Variants in VIPR1 observed in about 807,000 individuals in gnomAD.
VIPR1 encodes vasoactive intestinal polypeptide receptor 1.
A neutral mutation model predicts 58.8 loss-of-function variants in VIPR1; 59 were observed. That is an observed-to-expected ratio of 1.00 (90% CI 0.81 to 1.25). The LOEUF (loss-of-function observed/expected upper bound fraction) is 1.25. Ranked by LOEUF, VIPR1 falls within the 50% of genes most tolerant of loss-of-function variation. The pLI, the probability that VIPR1 is intolerant of heterozygous loss-of-function variation, is 0.00. For missense variants in VIPR1, 626 were observed against 602.7 expected, an observed-to-expected ratio of 1.04 and a Z score of -0.40; for synonymous variants, 251 against 242.1, an observed-to-expected ratio of 1.04 and a Z score of -0.34.
At chr3:42,528,282 T>C in intron 6 of VIPR1, 159 bp downstream of exon 6, 1 of 868,674 alleles carries the variant, frequency 1.2e-6, no homozygotes, top group Non-Finnish European at 1.5e-6. Flanking sequence ...CAACCCCACC[T>C]GGCAGTACTC....
chr3:42,496,231 A>G (rs375788777), intron 1 of VIPR1, among the ~76,000 whole-genome samples: 2 of 151,964 alleles, frequency 1.3e-5, no homozygotes, highest in East Asian at 1.9e-4. Flanking sequence ...CTCCGTCTCA[A>G]AAAAAAAGCT....
Position 42,502,767 on chromosome 3 carries a change from G to A in VIPR1, c.32G>A (p.Trp11Ter). The change falls in exon 1 of 13, where the codon TGG (tryptophan) becomes TAG (stop). Residue 11 changes from tryptophan (W) to a stop codon, truncating the protein, a stop_gained. Coordinates refer to ENST00000325123, the MANE Select transcript of VIPR1 (RefSeq NM_004624.4). LOFTEE classifies it high-confidence loss of function. MRPPSPLPAR[W>*]LCVLAGALAW... ...CCGCCAAGTCCGCTGCCCGCCCGCT[G>A]GCTATGCGTGCTGGCAGGCGCCCTC... 7.7e-7 allele frequency: 1 copy of A among 1,299,060 alleles called. No individual in the cohort carries two copies. The highest frequency in any genetic ancestry group is 2.4e-5 in the South Asian group (1 of 42,096). 80.5% of individuals were successfully genotyped at this position (1,299,060 alleles called of 1,614,324 possible).
chr3:42,527,955 C>G, intron 5 of VIPR1, 36 bp from the exon 6 acceptor site: 1 of 1,605,154 alleles, frequency 6.2e-7, no homozygotes. Flanking sequence ...GGATCCAAGG[C>G]CCCTTTGGCC....
At position 42,526,152 on chromosome 3, in the gene VIPR1, C is replaced by T. The variant is rs147933172; in HGVS notation, c.399+159C>T. Among the ~76,000 whole-genome samples the T allele has an allele frequency of 1.3e-3, 195 of 152,304 alleles. 2 individuals are homozygous for T. The highest frequency in any genetic ancestry group is 4.5e-3 in the African/African-American group (185 of 41,568). ...TCCTCCAGGCCTGCCTTTCTGGGGTCCCAACCCTTGGCTCCCCCTGACAGG... is the reference window on the plus strand; with the variant it reads ...TCCTCCAGGCCTGCCTTTCTGGGGTTCCAACCCTTGGCTCCCCCTGACAGG... On this transcript the variant is annotated intron_variant, in intron 4 of 12. Coordinates refer to ENST00000325123, the MANE Select transcript of VIPR1 (RefSeq NM_004624.4).
At chr3:42,501,350 G>A (rs1228072366), upstream of VIPR1, among the ~76,000 whole-genome samples, 2 of 150,392 alleles carry the variant, frequency 1.3e-5, no homozygotes, top group Non-Finnish European at 3.0e-5. The surrounding 1 kb of genome is among the most constrained non-coding windows in gnomAD (Gnocchi z 4.8). Flanking sequence ...TTCAGCCAAA[G>A]CCTAGCGCGG....
intron 1 of VIPR1, among the ~76,000 whole-genome samples, chr3:42,497,563 C>G (rs1261194050): frequency 1.3e-5 from 2 of 152,176 alleles, no homozygotes; most frequent in South Asian, 2.1e-4. Context: ...CTCCCACACT[C>G]CCAACACCAT....
At chr3:42,525,849 G>T in intron 3 of VIPR1, 38 bp from the exon 4 acceptor site, 2 of 1,558,918 alleles carry the variant, frequency 1.3e-6, no homozygotes, top group Non-Finnish European at 1.7e-6. Flanking sequence ...CCATGCTCCC[G>T]GCCTCAGCCT....
intron 4 of VIPR1, among the ~76,000 whole-genome samples, chr3:42,526,941 G>C (rs1203211231): frequency 6.6e-6 from 1 of 152,028 alleles, no homozygotes; most frequent in Non-Finnish European, 1.5e-5. Context: ...TGTCTTCTTC[G>C]ACATCCCGCA....
chr3:42,528,493 C>T, intron 6 of VIPR1: 1 of 242,474 alleles, frequency 4.1e-6, no homozygotes, highest in Non-Finnish European at 8.2e-6. Flanking sequence ...GCAAGGAATT[C>T]CAAGATTCCT....
upstream of VIPR1, among the ~76,000 whole-genome samples, chr3:42,502,425 T>A (rs573591749): frequency 2.0e-5 from 3 of 152,320 alleles, no homozygotes; most frequent in South Asian, 6.2e-4. Context: ...GGCGAAGGCC[T>A]ATAAATGTCT....
chr3:42,518,916 C>G (rs1700766408), intron 2 of VIPR1, among the ~76,000 whole-genome samples: 1 of 152,194 alleles, frequency 6.6e-6, no homozygotes, highest in African/African-American at 2.4e-5. Flanking sequence ...GACTGCCCAT[C>G]AAATGCCAGT....
In VIPR1 at chr3:42,536,310, C is replaced by T. The variant is rs1364039499; in HGVS notation, c.*29C>T. ...CCAGGATCCCAGGGGCCCAAGGCGG[C>T]CCCTCCCGCCCCTTCCCACTCACCC... On this transcript the variant is annotated 3_prime_UTR_variant, in exon 13 of 13. Coordinates refer to ENST00000325123, the MANE Select transcript of VIPR1 (RefSeq NM_004624.4). 4 of 1,481,874 alleles carry T rather than the reference C, an allele frequency of 2.7e-6. No homozygotes were observed. Among genetic ancestry groups the T allele is most frequent in the African/African-American group, 2.8e-5 (2 of 71,418 alleles). The allele number at this position is 1,481,874 out of a possible 1,614,324, so 91.8% of individuals were successfully genotyped here. A position where few individuals can be genotyped will look rare whatever the true frequency, so the allele number is the denominator to read the frequency against.
rs1701918686 is a variant in VIPR1, at chr3:42,537,530, A to G, written c.*1249A>G. The G allele has an allele frequency of 6.6e-6, 1 of 152,204 alleles. No homozygotes were observed. Among genetic ancestry groups the G allele is most frequent in the Non-Finnish European group, 1.5e-5 (1 of 68,066 alleles). 9.4% of individuals were successfully genotyped at this position (152,204 alleles called of 1,614,324 possible). A position where few individuals can be genotyped will look rare whatever the true frequency, so the allele number is the denominator to read the frequency against. On this transcript the variant is annotated 3_prime_UTR_variant, in exon 13 of 13. Coordinates refer to ENST00000325123, the MANE Select transcript of VIPR1 (RefSeq NM_004624.4). ...ACCTCTGCCAGAAGATCCCCTCAGG[A>G]CTGCAACAGGCTTGTGCAACAATAA...
In VIPR1 at chr3:42,536,152, C is replaced by A; in HGVS notation, c.1245C>A (p.Asn415Lys). The change falls in exon 13 of 13, where the codon AAC becomes AAA. Residue 415 changes from asparagine (N) to lysine (K), a missense_variant. Transcript: ENST00000325123. ...ACCTGCAGGGCGTCCTGGGCTGGAA[C>A]CCCAAATACCGGCACCCGTCGGGAG... is the stretch of plus-strand genomic sequence containing the variant. Reference protein sequence around the residue: ...RWHLQGVLGWNPKYRHPSGGS... With the variant: ...RWHLQGVLGWKPKYRHPSGGS... The A allele has an allele frequency of 6.8e-6, 11 of 1,608,026 alleles. No individual in the cohort carries two copies. Among genetic ancestry groups the A allele is most frequent in the Non-Finnish European group, 9.3e-6 (11 of 1,177,856 alleles).
intron 4 of VIPR1, among the ~76,000 whole-genome samples, chr3:42,526,272 C>A (rs141797390): frequency 6.6e-6 from 1 of 152,340 alleles, no homozygotes; most frequent in Non-Finnish European, 1.5e-5. Flanking sequence ...CTCATGGGAA[C>A]CTCACTTCAG....
At chr3:42,516,985 C>T (rs1213560526) in intron 2 of VIPR1, 2 of 152,224 alleles carry the variant, frequency 1.3e-5, no homozygotes, top group South Asian at 2.1e-4. Flanking sequence ...TGCCCCTACT[C>T]AGCTTTCAGA....
intron 10 of VIPR1, chr3:42,533,422 G>C (rs966854338): frequency 2.3e-5 from 3 of 128,268 alleles, no homozygotes; most frequent in Non-Finnish European, 1.6e-5. Context: ...AGGAAAGGCT[G>C]GGGGGGACGG....
At chr3:42,522,727 A>T (rs982469809) in intron 3 of VIPR1, among the ~76,000 whole-genome samples, 5 of 152,052 alleles carry the variant, frequency 3.3e-5, no homozygotes, top group Admixed American at 3.3e-4. Context: ...CTCCTACCTA[A>T]TCCAGGGGAG....
intron 1 of VIPR1, among the ~76,000 whole-genome samples, chr3:42,490,471 G>A (rs1368126007): frequency 6.6e-6 from 1 of 152,230 alleles, no homozygotes; most frequent in Non-Finnish European, 1.5e-5. Context: ...GCATAGCTGA[G>A]GCTATTTTTA....
Sources: allele counts gnomAD v4.1 joint callset (sites outside exome capture counted in the v4.1 genomes callset), GRCh38; gene constraint gnomAD v4.1.1; non-coding constraint Gnocchi (gnomAD v3.1); transcripts MANE v1.5; gene names NCBI Gene and HGNC (gene_info 2026-07-23, HGNC 2026-07-21).